CNTNAP5: variants seen among roughly 807,000 people sequenced by gnomAD.
CNTNAP5 encodes contactin associated protein family member 5, also known as contactin-associated protein-like 5.
In CNTNAP5, 72 loss-of-function variants were observed where a neutral mutation model predicts 150.2. The observed-to-expected ratio is 0.48, with a 90% confidence interval of 0.40 to 0.58. The LOEUF is 0.58. Ranked by LOEUF, CNTNAP5 falls within the 20% of genes least tolerant of loss-of-function variation. The pLI is 0.00. For missense variants in CNTNAP5, 1,636 were observed against 1,626.2 expected, an observed-to-expected ratio of 1.01 and a Z score of -0.10; for synonymous variants, 672 against 619.8, an observed-to-expected ratio of 1.08 and a Z score of -1.25.
chr2:124,125,884 T>A (rs996255854), intron 1 of CNTNAP5, among the ~76,000 whole-genome samples: 3 of 152,062 alleles, frequency 2.0e-5, no homozygotes, highest in African/African-American at 7.2e-5. Context: ...AGACACAACA[T>A]ACCAGAATCT....
intron 12 of CNTNAP5, among the ~76,000 whole-genome samples, chr2:124,631,119 G>T (rs944569362): frequency 2.0e-5 from 3 of 152,032 alleles, no homozygotes; most frequent in Non-Finnish European, 4.4e-5. Flanking sequence ...TGGATAACAA[G>T]AATCAATATC....
chr2:124,690,093 T>C (rs538980589), intron 13 of CNTNAP5, among the ~76,000 whole-genome samples: 2 of 152,168 alleles, frequency 1.3e-5, no homozygotes, highest in Admixed American at 6.6e-5. Flanking sequence ...TTAAAAACCT[T>C]ATGTTAAGCA....
intron 22 of CNTNAP5, among the ~76,000 whole-genome samples, chr2:124,909,803 A>C (rs1678615155): frequency 8.6e-6 from 1 of 115,736 alleles, no homozygotes; most frequent in African/African-American, 3.5e-5. Context: ...CATCATTATC[A>C]CCCCATCGTT....
intron 3 of CNTNAP5, among the ~76,000 whole-genome samples, chr2:124,254,121 G>T (rs1687250621): frequency 6.6e-6 from 1 of 152,014 alleles, no homozygotes; most frequent in Non-Finnish European, 1.5e-5. Context: ...ATTCACTGAG[G>T]CAATCTACAT....
chr2:124,216,191 C>T (rs79796603), intron 1 of CNTNAP5, among the ~76,000 whole-genome samples: 2,289 of 152,112 alleles, frequency 0.015, 70 homozygotes, highest in African/African-American at 0.053. Flanking sequence ...GTTATACCCA[C>T]AGAAGTAGAT....
At chr2:124,885,073 G>T (rs1468323377) in intron 21 of CNTNAP5, among the ~76,000 whole-genome samples, 2 of 152,004 alleles carry the variant, frequency 1.3e-5, no homozygotes, top group Non-Finnish European at 2.9e-5. Flanking sequence ...GCACAGAATT[G>T]GTTCATGCAG....
At chr2:124,894,013 A>G (rs1159882199) in intron 21 of CNTNAP5, among the ~76,000 whole-genome samples, 1 of 152,174 alleles carries the variant, frequency 6.6e-6, no homozygotes, top group Admixed American at 6.5e-5. Context: ...CATACATCAT[A>G]TGTGTTTTAT....
At chr2:124,713,257 C>CTT (rs748783433) in intron 13 of CNTNAP5, among the ~76,000 whole-genome samples, 1 of 101,018 alleles carries the variant, frequency 9.9e-6, no homozygotes, top group Admixed American at 1.1e-4. Flanking sequence ...TTCTTTCTTT[C>CTT]TTTCTTTCTT....
At chr2:124,113,925 CTA>C (rs371751616) in intron 1 of CNTNAP5, among the ~76,000 whole-genome samples, 156 of 150,118 alleles carry the variant, frequency 1.0e-3, no homozygotes, top group Non-Finnish European at 1.6e-3. Flanking sequence ...GTCTCTCTCT[CTA>C]TATATATATA....
chr2:124,537,092 T>C lies in CNTNAP5; in HGVS notation c.1649+9636T>C, dbSNP rs547303596. On this transcript the variant is annotated intron_variant, in intron 10 of 23. Transcript: ENST00000682447. Reference sequence around the variant, plus strand: ...ACAGAGAGACTAATCTTCACCACAATGTTGTGAGGTTAATATTATTAACTC... The same window carrying C: ...ACAGAGAGACTAATCTTCACCACAACGTTGTGAGGTTAATATTATTAACTC... Among the ~76,000 whole-genome samples, 3 of 152,104 alleles carry C rather than the reference T, an allele frequency of 2.0e-5. No individual in the cohort carries two copies. The South Asian group carries it at 6.2e-4, about 32-fold the overall frequency.
chr2:124,042,642 T>C (rs753801803), intron 1 of CNTNAP5, among the ~76,000 whole-genome samples: 21 of 152,206 alleles, frequency 1.4e-4, no homozygotes, highest in Admixed American at 8.5e-4. Context: ...TCTACCTCTG[T>C]TTAAAAATTA....
rs145618015 is a variant in CNTNAP5 at position 124,910,874 on chromosome 2, A to G, written c.3656-593A>G. On this transcript the variant is annotated intron_variant, in intron 22 of 23. Coordinates refer to ENST00000682447, the MANE Select transcript of CNTNAP5 (RefSeq NM_001367498.1). ...TCTCCTTTAATACATGTGCAAATTT[A>G]TATTTAAAAAGAGGTCTTCCTCAAT... 1.2e-3 allele frequency among the ~76,000 whole-genome samples: 183 copies of G among 152,126 alleles called. 1 individual carries two copies. The highest frequency in any genetic ancestry group is 4.1e-3 in the African/African-American group (172 of 41,546).
intron 19 of CNTNAP5, among the ~76,000 whole-genome samples, chr2:124,816,552 ACTGCAACCTCCAT>A (rs755687501): frequency 5.5e-4 from 77 of 141,274 alleles, no homozygotes; most frequent in Non-Finnish European, 9.4e-4. Flanking sequence ...ACCTCAGCTC[ACTGCAACCTCCAT>A]CTCTGGGGTT....
intron 3 of CNTNAP5, among the ~76,000 whole-genome samples, chr2:124,412,965 T>G (rs1157856724): frequency 3.8e-5 from 3 of 78,428 alleles, no homozygotes; most frequent in East Asian, 3.4e-4. Flanking sequence ...GGGAGAAAAT[T>G]TTCGCAACCT....
chr2:124,416,628 G>A lies in CNTNAP5; in HGVS notation c.382-815G>A, dbSNP rs143390320. Among the ~76,000 whole-genome samples, 857 of 152,196 alleles carry A rather than the reference G, an allele frequency of 5.6e-3. 4 individuals are homozygous for A. The highest frequency in any genetic ancestry group is 0.018 in the Admixed American group (270 of 15,286). On this transcript the variant is annotated intron_variant, in intron 3 of 23. Transcript: ENST00000682447. ...TTCAGACTAATTACTAGCCAATTGG[G>A]TGATTTGGAGATTTTTTTCCTTCCC...
At chr2:124,381,726 A>G (rs1281898800) in intron 3 of CNTNAP5, among the ~76,000 whole-genome samples, 2 of 152,070 alleles carry the variant, frequency 1.3e-5, no homozygotes, top group Admixed American at 6.5e-5. Context: ...CTACAAGTGT[A>G]TTTGCTCCAG....
chr2:124,035,949 G>T (rs569231764), intron 1 of CNTNAP5, among the ~76,000 whole-genome samples: 2 of 113,108 alleles, frequency 1.8e-5, no homozygotes, highest in East Asian at 2.7e-4. Flanking sequence ...ACGGAGTCTC[G>T]CTCTGTCGCC....
At chr2:124,571,619 G>A (rs375818265) in intron 11 of CNTNAP5, among the ~76,000 whole-genome samples, 13 of 130,384 alleles carry the variant, frequency 1.0e-4, no homozygotes, top group Admixed American at 8.7e-4. Flanking sequence ...TGCAACCTCC[G>A]CTTCCCAGGT....
chr2:124,472,687 G>A (rs1693544242), intron 6 of CNTNAP5, among the ~76,000 whole-genome samples: 1 of 151,760 alleles, frequency 6.6e-6, no homozygotes, highest in South Asian at 2.1e-4. Context: ...AAAGTTTTTG[G>A]TTTTGTAGTA....
Sources: gnomAD v4.1 joint callset for allele counts (sites outside exome capture counted in the v4.1 genomes callset) on GRCh38, gnomAD v4.1.1 for gene constraint, MANE v1.5 for transcripts, NCBI Gene and HGNC (gene_info 2026-07-23, HGNC 2026-07-21) for gene names.